The following MTUS2 variants were observed in gnomAD, a reference collection of about 807,000 sequenced individuals.
MTUS2 encodes the protein microtubule associated scaffold protein 2, also known as microtubule-associated tumor suppressor candidate 2.
A neutral mutation model predicts 114.1 loss-of-function variants in MTUS2; 40 were observed. The ratio of observed to expected loss-of-function variants is 0.35; its 90% CI spans 0.27 to 0.46. The LOEUF is 0.46. Ranked by LOEUF, MTUS2 falls within the 20% of genes least tolerant of loss-of-function variation. MTUS2 has a pLI of 1.00. For synonymous variants in MTUS2, 688 were observed against 672.0 expected, an observed-to-expected ratio of 1.02 and a Z score of -0.37; for missense variants, 1,679 against 1,705.4, an observed-to-expected ratio of 0.98 and a Z score of 0.27.
intron 9 of MTUS2, among the ~76,000 whole-genome samples, chr13:29,440,816 T>C (rs1877785171): frequency 6.6e-6 from 1 of 152,070 alleles, no homozygotes; most frequent in Admixed American, 6.6e-5. Context: ...GCTTCCTCCG[T>C]GAGTGAAGGG....
At chr13:29,225,427 A>G (rs1049089147) in intron 5 of MTUS2, among the ~76,000 whole-genome samples, 5 of 152,306 alleles carry the variant, frequency 3.3e-5, no homozygotes, top group African/African-American at 7.2e-5. Context: ...TCCTATCACA[A>G]CGGGGCAATT....
chr13:28,957,898 G>A (rs962209486), intron 2 of MTUS2, among the ~76,000 whole-genome samples: 6 of 152,240 alleles, frequency 3.9e-5, no homozygotes, highest in African/African-American at 1.4e-4. Context: ...ATTCAGGAAT[G>A]TAGCATTCTA....
At chr13:29,489,284 T>G (rs1318398673) in intron 11 of MTUS2, among the ~76,000 whole-genome samples, 5 of 152,202 alleles carry the variant, frequency 3.3e-5, no homozygotes, top group South Asian at 2.1e-4. Context: ...AAGTGTGTAT[T>G]AAAAGCAATG....
intron 6 of MTUS2, among the ~76,000 whole-genome samples, chr13:29,305,954 T>TCATCCCAGGATG (rs1417189912): frequency 3.3e-5 from 5 of 152,212 alleles, no homozygotes; most frequent in Admixed American, 1.3e-4. Flanking sequence ...CAAGTTGGCT[T>TCATCCCAGGATG]CATCCCAGGA....
At chr13:29,098,139 C>A (rs545601772) in intron 4 of MTUS2, among the ~76,000 whole-genome samples, 136 of 152,228 alleles carry the variant, frequency 8.9e-4, no homozygotes, top group African/African-American at 3.2e-3. Flanking sequence ...AACTCTCATG[C>A]AGAGACTAGT....
chr13:29,100,777 T>A lies in MTUS2; in HGVS notation c.2451T>A (p.Asp817Glu). Residue 817 changes from aspartate (D) to glutamate (E), a missense_variant, in exon 5 of 16, where the codon GAT becomes GAA. This residue lies in a region of MTUS2 where 822 missense variants were observed against 899.7 expected (regional missense o/e 0.91). Coordinates refer to ENST00000612955, the MANE Select transcript of MTUS2 (RefSeq NM_001033602.4). ...TTTTATTTGGGTTCGTTTTAGCAGA[T>A]TTAAAGAAAGCTTCCAGTTCAAATG... ...TSLYSSDPSADLKKASSSNAA... is the reference protein window; with the variant it reads ...TSLYSSDPSAELKKASSSNAA... 1 of 1,551,458 alleles carries A rather than the reference T, an allele frequency of 6.4e-7. No homozygotes were observed.
chr13:29,216,436 C>T (rs960841143), intron 5 of MTUS2, among the ~76,000 whole-genome samples: 6 of 152,178 alleles, frequency 3.9e-5, no homozygotes, highest in Admixed American at 1.3e-4. Flanking sequence ...AAGAAACTCC[C>T]GCAGCTAGCT....
intron 8 of MTUS2, among the ~76,000 whole-genome samples, chr13:29,428,304 T>C (rs1455650229): frequency 1.3e-5 from 2 of 152,282 alleles, no homozygotes; most frequent in East Asian, 3.8e-4. Context: ...GAGCTAGGAT[T>C]GCAGCAGAGC....
At chr13:29,333,261 G>T (rs1473393062) in intron 7 of MTUS2, among the ~76,000 whole-genome samples, 1 of 152,022 alleles carries the variant, frequency 6.6e-6, no homozygotes, top group Non-Finnish European at 1.5e-5. Context: ...GCAATGGTGT[G>T]ATCTCAGCTG....
intron 2 of MTUS2, among the ~76,000 whole-genome samples, chr13:28,845,978 A>G (rs1472159752): frequency 6.6e-6 from 1 of 151,682 alleles, no homozygotes; most frequent in Non-Finnish European, 1.5e-5. Flanking sequence ...GTCTCCTTTA[A>G]GAACTTGACA....
intron 4 of MTUS2, among the ~76,000 whole-genome samples, chr13:29,074,274 T>G (rs1443693778): frequency 1.3e-5 from 2 of 152,198 alleles, no homozygotes; most frequent in Admixed American, 1.3e-4. Flanking sequence ...CTCCTTTTTA[T>G]CCTTTATGAC....
chr13:29,188,210 A>G (rs1894302491), intron 5 of MTUS2, among the ~76,000 whole-genome samples: 1 of 152,160 alleles, frequency 6.6e-6, no homozygotes, highest in African/African-American at 2.4e-5. Flanking sequence ...AAACACTAAG[A>G]AGGTAGTCAG....
At chr13:29,158,093 A>G (rs894254706) in intron 5 of MTUS2, among the ~76,000 whole-genome samples, 3 of 152,112 alleles carry the variant, frequency 2.0e-5, no homozygotes, top group Non-Finnish European at 2.9e-5. Flanking sequence ...GCTGCAAATA[A>G]TCTTCACACA....
At chr13:29,271,340 T>C (rs1239889729) in intron 5 of MTUS2, among the ~76,000 whole-genome samples, 3 of 152,176 alleles carry the variant, frequency 2.0e-5, no homozygotes, top group Non-Finnish European at 2.9e-5. Context: ...TCTTCCTGAA[T>C]TTTCCATTTT....
chr13:28,943,720 C>T (rs1035501936), intron 2 of MTUS2, among the ~76,000 whole-genome samples: 1 of 152,134 alleles, frequency 6.6e-6, no homozygotes. Context: ...TTGAGCTTGA[C>T]TCAGCTGGAG....
chr13:29,005,791 A>G (rs3886729), intron 2 of MTUS2, among the ~76,000 whole-genome samples: 3,605 of 152,334 alleles, frequency 0.024, 60 homozygotes, highest in East Asian at 0.052. Context: ...CCTAGGACAT[A>G]GTCTGCGCCA....
chr13:29,247,860 A>G (rs1896982985), intron 5 of MTUS2, among the ~76,000 whole-genome samples: 1 of 152,248 alleles, frequency 6.6e-6, no homozygotes, highest in South Asian at 2.1e-4. Flanking sequence ...AAAGAATTCA[A>G]AGTAGATCTA....
chr13:29,231,166 A>C (rs1896309167), intron 5 of MTUS2, among the ~76,000 whole-genome samples: 1 of 152,216 alleles, frequency 6.6e-6, no homozygotes, highest in Non-Finnish European at 1.5e-5. Context: ...TGATTCAATG[A>C]ACTGACATAA....
intron 8 of MTUS2, among the ~76,000 whole-genome samples, chr13:29,419,781 A>G (rs972680034): frequency 2.6e-5 from 4 of 152,216 alleles, no homozygotes; most frequent in African/African-American, 9.6e-5. Flanking sequence ...TATTTAGGCA[A>G]CACTTGAGCT....
Sources: gnomAD v4.1 joint callset for allele counts (sites outside exome capture counted in the v4.1 genomes callset) on GRCh38, gnomAD v4.1.1 for gene constraint, gnomAD v4.1.1 regional missense constraint, MANE v1.5 for transcripts, NCBI Gene and HGNC (gene_info 2026-07-23, HGNC 2026-07-21) for gene names.